AGTPBP1: variants seen among roughly 807,000 people sequenced by gnomAD.
AGTPBP1 encodes the protein ATP/GTP binding carboxypeptidase 1, also known as cytosolic carboxypeptidase 1.
In AGTPBP1, 70 loss-of-function variants were observed where a neutral mutation model predicts 143.9. The observed-to-expected ratio is 0.49, with a 90% CI of 0.40 to 0.59. AGTPBP1 has a LOEUF of 0.59. Among genes scored for constraint, AGTPBP1 ranks in the 20% least tolerant of loss-of-function variants. The probability of loss-of-function intolerance (pLI) is 0.00; values close to 1 mark genes in which losing one functional copy is unlikely to be tolerated. For missense variants in AGTPBP1, 1,229 were observed against 1,464.5 expected (o/e 0.84, Z 2.62); for synonymous variants, 463 against 500.2 (o/e 0.93, Z 0.99).
At chr9:85,750,444 C>G in the AGTPBP1 span, among the ~76,000 whole-genome samples, 1 of 152,168 alleles carries the variant, frequency 6.6e-6, no homozygotes, top group Admixed American at 6.6e-5. Context: ...TCTCTTCTAT[C>G]CATGTCATGA....
intron 1 of AGTPBP1, among the ~76,000 whole-genome samples, chr9:85,735,779 C>CTATTAAAAA (rs1442256504): frequency 1.3e-5 from 2 of 152,096 alleles, no homozygotes; most frequent in East Asian, 3.8e-4. Context: ...TTTTTTAATT[C>CTATTAAAAA]ATTAAACTCT....
intron 1 of AGTPBP1, among the ~76,000 whole-genome samples, chr9:85,727,730 T>C (rs1411189152): frequency 6.6e-6 from 1 of 152,118 alleles, no homozygotes; most frequent in African/African-American, 2.4e-5. Context: ...AAAATATTTT[T>C]AAGGCCAGTT....
At chr9:85,602,037 G>A (rs558616846) in intron 17 of AGTPBP1, among the ~76,000 whole-genome samples, 8 of 152,090 alleles carry the variant, frequency 5.3e-5, no homozygotes, top group African/African-American at 1.9e-4. Context: ...TGGAAGATGC[G>A]ACTGTTATAC....
At chr9:85,566,035 A>C (rs1827062876) in intron 25 of AGTPBP1, among the ~76,000 whole-genome samples, 1 of 152,160 alleles carries the variant, frequency 6.6e-6, no homozygotes, top group South Asian at 2.1e-4. Context: ...TGAATTTTTA[A>C]ATCTGACATA....
the AGTPBP1 span, among the ~76,000 whole-genome samples, chr9:85,762,936 G>C: frequency 3.3e-5 from 5 of 150,798 alleles, no homozygotes; most frequent in African/African-American, 7.3e-5. Flanking sequence ...TCACTGTGAA[G>C]GTTTGGATAC....
the AGTPBP1 span, among the ~76,000 whole-genome samples, chr9:85,802,288 C>T: frequency 6.6e-6 from 1 of 152,104 alleles, no homozygotes; most frequent in Non-Finnish European, 1.5e-5. Flanking sequence ...CTTCTTACCA[C>T]TTCTGAAATT....
intron 14 of AGTPBP1, among the ~76,000 whole-genome samples, chr9:85,627,380 C>T (rs756971400): frequency 4.6e-5 from 7 of 152,154 alleles, no homozygotes; most frequent in Non-Finnish European, 7.3e-5. Context: ...AAGTCTAACC[C>T]AATTATCCAA....
At chr9:85,582,038 T>G (rs1219036590) in intron 23 of AGTPBP1, among the ~76,000 whole-genome samples, 1 of 152,346 alleles carries the variant, frequency 6.6e-6, no homozygotes, top group South Asian at 2.1e-4. Context: ...CCTGTAATAA[T>G]AAAGATTTGT....
the AGTPBP1 span, among the ~76,000 whole-genome samples, chr9:85,749,686 T>C: frequency 6.6e-6 from 1 of 152,116 alleles, no homozygotes; most frequent in South Asian, 2.1e-4. Context: ...TTCCTCATCT[T>C]TAAAATGGAT....
chr9:85,659,428 A>G (rs765538563), intron 9 of AGTPBP1, among the ~76,000 whole-genome samples: 1 of 152,142 alleles, frequency 6.6e-6, no homozygotes, highest in Non-Finnish European at 1.5e-5. Flanking sequence ...GTATCATTCA[A>G]TTTTCATCCT....
intron 25 of AGTPBP1, among the ~76,000 whole-genome samples, chr9:85,549,632 G>A (rs1021174588): frequency 6.6e-6 from 1 of 152,218 alleles, no homozygotes; most frequent in Non-Finnish European, 1.5e-5. Flanking sequence ...AGAGAAGTAT[G>A]ATTTAGGAGC....
At chr9:85,602,934 C>T (rs1829758148) in intron 17 of AGTPBP1, among the ~76,000 whole-genome samples, 1 of 152,196 alleles carries the variant, frequency 6.6e-6, no homozygotes, top group South Asian at 2.1e-4. Flanking sequence ...CTAGGCAGAA[C>T]TCAGCCGGTG....
intron 19 of AGTPBP1, among the ~76,000 whole-genome samples, chr9:85,590,554 G>A (rs2133214411): frequency 6.6e-6 from 1 of 152,178 alleles, no homozygotes; most frequent in East Asian, 1.9e-4. Context: ...TTGACTGAGT[G>A]GTCACTATTT....
intron 1 of AGTPBP1, among the ~76,000 whole-genome samples, chr9:85,730,111 A>C (rs1221574430): frequency 1.3e-5 from 2 of 152,188 alleles, no homozygotes; most frequent in Non-Finnish European, 2.9e-5. Context: ...ATTAGACCAG[A>C]GGTTTCCTAA....
chr9:85,768,948 C>T, the AGTPBP1 span, among the ~76,000 whole-genome samples: 3 of 149,378 alleles, frequency 2.0e-5, no homozygotes, highest in Non-Finnish European at 4.4e-5. Context: ...ACTTGGGAGG[C>T]TGAGGCAGGA....
At chr9:85,593,018 G>T (rs757537291) in intron 18 of AGTPBP1, among the ~76,000 whole-genome samples, 96 of 152,024 alleles carry the variant, frequency 6.3e-4, no homozygotes, top group Non-Finnish European at 1.2e-3. Context: ...ATCATCAATG[G>T]CTACTACAAT....
intron 14 of AGTPBP1, among the ~76,000 whole-genome samples, chr9:85,632,092 G>GGT (rs952492070): frequency 5.5e-4 from 83 of 150,940 alleles, no homozygotes; most frequent in African/African-American, 2.0e-3. Flanking sequence ...GTACATAGTA[G>GGT]GTATATATAT....
chr9:85,558,388 C>T (rs1826486197), intron 25 of AGTPBP1, among the ~76,000 whole-genome samples: 1 of 152,094 alleles, frequency 6.6e-6, no homozygotes, highest in African/African-American at 2.4e-5. Context: ...GGTTTTGGAA[C>T]AAGACAGGGT....
the AGTPBP1 span, among the ~76,000 whole-genome samples, chr9:85,752,743 A>G: frequency 1.7e-4 from 26 of 152,206 alleles, no homozygotes; most frequent in Admixed American, 1.7e-3. Flanking sequence ...ATGGTGACTT[A>G]TGCCTGTAAT....
Sources: allele counts gnomAD v4.1 joint callset (sites outside exome capture counted in the v4.1 genomes callset), GRCh38; gene constraint gnomAD v4.1.1; transcripts MANE v1.5; gene names NCBI Gene and HGNC (gene_info 2026-07-23, HGNC 2026-07-21).